Variants in DMD observed in about 807,000 individuals in gnomAD.
DMD encodes dystrophin, also known as mutant dystrophin.
DMD carries 63 observed loss-of-function variants against 330.1 expected under a neutral mutation model. The observed-to-expected ratio is 0.19, with a 90% CI of 0.16 to 0.24. The LOEUF (loss-of-function observed/expected upper bound fraction) is 0.24. DMD is among the 10% of genes least tolerant of loss of function. DMD has a pLI of 1.00. For synonymous variants in DMD, 1,223 were observed against 959.8 expected, an observed-to-expected ratio of 1.27 and a Z score of -5.07; for missense variants, 3,344 against 2,684.1, an observed-to-expected ratio of 1.25 and a Z score of -5.43.
intron 17 of DMD, among the ~76,000 whole-genome samples, chrX:32,541,444 T>G (rs768909591): frequency 1.6e-4 from 18 of 112,352 alleles, no homozygotes; most frequent in South Asian, 3.7e-4. Flanking sequence ...TATTAAATGC[T>G]TATTTAATCC....
chrX:31,266,387 G>A lies in DMD; in HGVS notation c.9225-5371C>T, dbSNP rs550606012. On this transcript the variant is annotated intron_variant, in intron 62 of 78. Coordinates refer to ENST00000357033, the MANE Select transcript of DMD (RefSeq NM_004006.3). ...GGCACTTGCAGTGCAATGGAAGGTA[G>A]CGCCGCGTGCGCCCCTTCCTTCTAC... Among the ~76,000 whole-genome samples the A allele has an allele frequency of 8.0e-5, 9 of 111,874 alleles. No individual in the cohort carries two copies. In the South Asian group the frequency reaches 2.2e-3, roughly 28 times the overall value.
At chrX:31,663,883 C>T (rs976353891) in intron 53 of DMD, among the ~76,000 whole-genome samples, 2 of 111,856 alleles carry the variant, frequency 1.8e-5, no homozygotes, top group African/African-American at 3.3e-5. Context: ...TGACTACATT[C>T]GTGCCACTCT....
chrX:31,563,663 T>C (rs949250640), intron 55 of DMD, among the ~76,000 whole-genome samples: 2 of 111,966 alleles, frequency 1.8e-5, no homozygotes, highest in Non-Finnish European at 3.8e-5. Context: ...TTAAATAAAA[T>C]CTTGATAAGC....
At chrX:32,649,819 C>A (rs1300344010) in intron 9 of DMD, among the ~76,000 whole-genome samples, 15 of 110,682 alleles carry the variant, frequency 1.4e-4, no homozygotes. Context: ...TCTGTCTGAT[C>A]TTGGGTATTT....
chrX:32,094,148 A>G (rs2096491885), intron 44 of DMD, among the ~76,000 whole-genome samples: 1 of 112,057 alleles, frequency 8.9e-6, no homozygotes. Flanking sequence ...CAGGTTAAAA[A>G]ACCTTCAACG....
intron 57 of DMD, among the ~76,000 whole-genome samples, chrX:31,491,645 G>A (rs1202221356): frequency 9.0e-6 from 1 of 111,638 alleles, no homozygotes; most frequent in East Asian, 2.8e-4. Flanking sequence ...TGCCCAGCTG[G>A]TTTGGGGAGC....
intron 55 of DMD, among the ~76,000 whole-genome samples, chrX:31,584,551 T>C (rs763404147): frequency 2.0e-4 from 22 of 111,666 alleles, no homozygotes; most frequent in African/African-American, 7.2e-4. Context: ...AGCAAAGACA[T>C]GGAATCAACC....
intron 1 of DMD, among the ~76,000 whole-genome samples, chrX:33,056,536 A>G (rs1318894269): frequency 9.2e-6 from 1 of 108,399 alleles, no homozygotes; most frequent in African/African-American, 3.4e-5. Flanking sequence ...AATTTTTTGT[A>G]TTTTTAGTAG....
chrX:33,242,695 T>C (rs1569559085), intron 1 of DMD, among the ~76,000 whole-genome samples: 2 of 112,065 alleles, frequency 1.8e-5, no homozygotes, highest in South Asian at 7.4e-4. Context: ...GGTTGTATAC[T>C]AGTCTACATC....
At chrX:33,133,124 T>C (rs926962569) in intron 1 of DMD, among the ~76,000 whole-genome samples, 4 of 108,984 alleles carry the variant, frequency 3.7e-5, no homozygotes, top group Non-Finnish European at 7.6e-5. Context: ...ATAGTAGTGG[T>C]TAAAAAAAAA....
At chrX:32,786,681 G>A (rs980786160) in intron 7 of DMD, among the ~76,000 whole-genome samples, 3 of 111,618 alleles carry the variant, frequency 2.7e-5, no homozygotes, top group Non-Finnish European at 5.7e-5. Flanking sequence ...GTAATAAAAT[G>A]AGTAACCTTT....
intron 2 of DMD, among the ~76,000 whole-genome samples, chrX:32,902,158 AACACACACACACACACACAC>A (rs774414536): frequency 1.2e-5 from 1 of 86,639 alleles, no homozygotes; most frequent in Non-Finnish European, 2.2e-5. Flanking sequence ...CACACACACA[AACACACACACACACACACAC>A]ACACACACAC....
At chrX:31,296,003 T>A (rs908756054) in intron 62 of DMD, among the ~76,000 whole-genome samples, 2 of 90,925 alleles carry the variant, frequency 2.2e-5, no homozygotes, top group East Asian at 8.0e-4. Flanking sequence ...TTTTTTTTTT[T>A]ACAATGGGAG....
At chrX:33,078,875 A>G (rs1053514719) in intron 1 of DMD, among the ~76,000 whole-genome samples, 1 of 111,978 alleles carries the variant, frequency 8.9e-6, no homozygotes, top group Non-Finnish European at 1.9e-5. Flanking sequence ...TGGAACACAC[A>G]CTAATAACAT....
At chrX:31,497,748 A>C (rs1028501276) in intron 56 of DMD, among the ~76,000 whole-genome samples, 2 of 112,364 alleles carry the variant, frequency 1.8e-5, no homozygotes, top group Non-Finnish European at 3.8e-5. Context: ...TGAGAAGCTA[A>C]ATTAATAAAA....
chrX:32,712,712 ATTT>A (rs1228631477), intron 7 of DMD, among the ~76,000 whole-genome samples: 1 of 111,072 alleles, frequency 9.0e-6, no homozygotes, highest in African/African-American at 3.3e-5. Context: ...GAGGTTATTG[ATTT>A]TTTATTACTA....
At chrX:31,314,074 A>G (rs1192318033) in intron 62 of DMD, among the ~76,000 whole-genome samples, 1 of 111,551 alleles carries the variant, frequency 9.0e-6, no homozygotes, top group Non-Finnish European at 1.9e-5. Context: ...AGCTCAAGTG[A>G]TCCACCCACC....
chrX:31,176,887 C>G (rs745705781), intron 71 of DMD, among the ~76,000 whole-genome samples: 23 of 110,957 alleles, frequency 2.1e-4, no homozygotes, highest in Non-Finnish European at 3.4e-4. Context: ...TGAAAATAAA[C>G]CTCAATTAAT....
intron 9 of DMD, among the ~76,000 whole-genome samples, chrX:32,672,894 A>G (rs547146507): frequency 1.8e-5 from 2 of 110,990 alleles, no homozygotes; most frequent in African/African-American, 6.5e-5. Flanking sequence ...TATTTGGATT[A>G]AAGGCTTACC....
Sources: allele counts gnomAD v4.1 joint callset (sites outside exome capture counted in the v4.1 genomes callset), GRCh38; gene constraint gnomAD v4.1.1; transcripts MANE v1.5; gene names NCBI Gene and HGNC (gene_info 2026-07-23, HGNC 2026-07-21).